Variants in GDA observed in about 807,000 individuals in gnomAD.
GDA encodes the protein cytoplasmic PSD-95 interactor.
GDA carries 18 observed loss-of-function variants against 59.6 expected under a neutral mutation model. That is an observed-to-expected ratio of 0.30 (90% CI 0.21 to 0.45). GDA has a LOEUF of 0.45. GDA is among the 20% of genes least tolerant of loss of function. The pLI is 1.00. For missense variants in GDA, 427 were observed against 552.3 expected, an observed-to-expected ratio of 0.77 and a Z score of 2.27; for synonymous variants, 201 against 201.1, an observed-to-expected ratio of 1.00 and a Z score of 0.00.
intron 1 of GDA, among the ~76,000 whole-genome samples, chr9:72,157,056 TG>T (rs1358701377): frequency 4.5e-5 from 6 of 132,754 alleles, no homozygotes; most frequent in African/African-American, 1.5e-4. Flanking sequence ...TTTTTTTTTT[TG>T]AGATGGAGTT....
At chr9:72,166,488 C>G (rs976584306) in intron 1 of GDA, among the ~76,000 whole-genome samples, 2 of 152,042 alleles carry the variant, frequency 1.3e-5, no homozygotes, top group Non-Finnish European at 2.9e-5. Context: ...AAGTTATCAA[C>G]AACGTATTCT....
chr9:72,226,087 A>G (rs1837548646), intron 8 of GDA, among the ~76,000 whole-genome samples: 1 of 151,990 alleles, frequency 6.6e-6, no homozygotes, highest in Admixed American at 6.6e-5. Context: ...TAAAGGCTTC[A>G]TTGAAGATGG....
chr9:72,176,982 T>G (rs569857446), intron 1 of GDA, among the ~76,000 whole-genome samples: 2 of 152,292 alleles, frequency 1.3e-5, no homozygotes, highest in Non-Finnish European at 2.9e-5. Context: ...AGCAAGGGTT[T>G]CCTCACTTTG....
Position 72,231,123 on chromosome 9 carries a change from T to G in GDA, c.930T>G (p.Ser310Arg). The G allele has an allele frequency of 6.3e-7, 1 of 1,582,834 alleles. No homozygotes were observed. The change falls in exon 10 of 14, where the codon AGT becomes AGG. Residue 310 changes from serine to arginine, a missense_variant. Coordinates refer to ENST00000358399, the MANE Select transcript of GDA (RefSeq NM_004293.5). ...HCPNSNLSLS[S>R]GFLNVLEVLK... ...TCTCCTCTCTCTACAGGCTCAGCAGTGGATTTCTAAATGTGCTAGAAGTCC... is the reference window on the plus strand; with the variant it reads ...TCTCCTCTCTCTACAGGCTCAGCAGGGGATTTCTAAATGTGCTAGAAGTCC...
At chr9:72,161,659 TTAAG>T (rs1828646417) in intron 1 of GDA, among the ~76,000 whole-genome samples, 1 of 152,226 alleles carries the variant, frequency 6.6e-6, no homozygotes, top group Non-Finnish European at 1.5e-5. Flanking sequence ...TTATGGTTTA[TTAAG>T]TGTTTGCTTT....
At chr9:72,183,296 C>T (rs1015384159) in intron 1 of GDA, among the ~76,000 whole-genome samples, 19 of 152,112 alleles carry the variant, frequency 1.2e-4, no homozygotes, top group Admixed American at 9.2e-4. Flanking sequence ...ACTGTCTCCT[C>T]GGCTACAGCC....
chr9:72,177,676 G>A (rs11143148), intron 1 of GDA, among the ~76,000 whole-genome samples: 27,810 of 151,776 alleles, frequency 0.18, 2,875 homozygotes, highest in African/African-American at 0.29. Context: ...TTTTTGCTTC[G>A]GCAAATTGTC....
chr9:72,182,911 T>C (rs1478947663), intron 1 of GDA, among the ~76,000 whole-genome samples: 1 of 152,236 alleles, frequency 6.6e-6, no homozygotes, highest in Admixed American at 6.5e-5. Context: ...TTTTATTTAT[T>C]TTGATGCTCA....
chr9:72,216,521 A>G (rs1016639876), intron 5 of GDA, among the ~76,000 whole-genome samples: 1 of 152,244 alleles, frequency 6.6e-6, no homozygotes, highest in African/African-American at 2.4e-5. Flanking sequence ...GATACATACT[A>G]CAACATGGAT....
intron 1 of GDA, among the ~76,000 whole-genome samples, chr9:72,174,785 C>G (rs551793206): frequency 1.3e-5 from 2 of 151,322 alleles, no homozygotes; most frequent in African/African-American, 4.9e-5. Context: ...GAGAGACAGA[C>G]AGACAGACAG....
intron 9 of GDA, chr9:72,228,243 A>C: frequency 1.9e-6 from 1 of 531,274 alleles, no homozygotes; most frequent in East Asian, 3.3e-5. Context: ...GGACACGTGA[A>C]GAGCACAGCA....
chr9:72,122,226 A>G (rs1363669499), intron 1 of GDA, among the ~76,000 whole-genome samples: 1 of 152,160 alleles, frequency 6.6e-6, no homozygotes, highest in Non-Finnish European at 1.5e-5. Context: ...TCTCACAGGC[A>G]TGGGGGCAGA....
At chr9:72,203,131 T>C (rs1834219867) in intron 3 of GDA, among the ~76,000 whole-genome samples, 3 of 152,214 alleles carry the variant, frequency 2.0e-5, no homozygotes, top group Admixed American at 1.3e-4. Context: ...ACTTTTCCCA[T>C]CTGTAAAAAA....
At chr9:72,259,026 CTTT>C (rs377688657), downstream of GDA, among the ~76,000 whole-genome samples, 2 of 140,002 alleles carry the variant, frequency 1.4e-5, no homozygotes, top group Non-Finnish European at 3.1e-5. Context: ...AATAATAACT[CTTT>C]TTTTTTTTTT....
chr9:72,203,574 T>C (rs1834285571), intron 3 of GDA, among the ~76,000 whole-genome samples: 1 of 152,170 alleles, frequency 6.6e-6, no homozygotes, highest in South Asian at 2.1e-4. Flanking sequence ...TTAGAAACAG[T>C]TTCTGCAGTA....
At chr9:72,154,824 G>T (rs781231868) in intron 1 of GDA, among the ~76,000 whole-genome samples, 13 of 152,176 alleles carry the variant, frequency 8.5e-5, no homozygotes, top group Non-Finnish European at 2.9e-5. Flanking sequence ...GGACCTCAAA[G>T]AATCTGCACT....
Position 72,131,908 on chromosome 9 carries a change from G to A in GDA, c.-100+17075G>A, listed in dbSNP as rs12004900. On this transcript the variant is annotated intron_variant, in intron 1 of 13. Transcript: ENST00000545168. ...AGAAAAAGATGTTTAATGGAATTAC[G>A]TTTCCACATGGCTGAGAAGGCTTCA... 7.0e-3 allele frequency among the ~76,000 whole-genome samples: 1,065 copies of A among 152,270 alleles called. 11 individuals are homozygous for A. The highest frequency in any genetic ancestry group is 0.024 in the African/African-American group (989 of 41,552).
At chr9:72,116,571 C>T (rs1002783947) in intron 1 of GDA, among the ~76,000 whole-genome samples, 11 of 151,786 alleles carry the variant, frequency 7.2e-5, no homozygotes, top group East Asian at 2.0e-4. Flanking sequence ...TTAGTAGAGA[C>T]GGAGTTTCAC....
chr9:72,253,194 G>A (rs1840800260), downstream of GDA: 1 of 152,090 alleles, frequency 6.6e-6, no homozygotes. Flanking sequence ...CAAGTCTTCG[G>A]ATTGCACTGG....
Sources: allele counts gnomAD v4.1 joint callset (sites outside exome capture counted in the v4.1 genomes callset), GRCh38; gene constraint gnomAD v4.1.1; transcripts MANE v1.5; gene names NCBI Gene and HGNC (gene_info 2026-07-23, HGNC 2026-07-21).